Variants in SLC60A2 observed in about 807,000 individuals in gnomAD.
SLC60A2 encodes the protein solute carrier family 60 member 2.
chr6:111,276,046 A>G, the SLC60A2 span, among the ~76,000 whole-genome samples: 1 of 152,318 alleles, frequency 6.6e-6, no homozygotes, highest in East Asian at 1.9e-4. Flanking sequence ...TTTCATTACT[A>G]GCTTCTTTCC....
the SLC60A2 span, chr6:111,266,094 A>G: frequency 6.2e-7 from 1 of 1,613,996 alleles, no homozygotes; most frequent in African/African-American, 1.3e-5. Flanking sequence ...TGGAGTACCT[A>G]ATGATAAGAA....
the SLC60A2 span, chr6:111,270,356 A>G: frequency 6.6e-6 from 1 of 152,190 alleles, no homozygotes; most frequent in East Asian, 1.9e-4. Flanking sequence ...ACACTCGGGT[A>G]CCTGCAGAAT....
the SLC60A2 span, among the ~76,000 whole-genome samples, chr6:111,275,802 A>C: frequency 6.6e-6 from 1 of 152,230 alleles, no homozygotes; most frequent in South Asian, 2.1e-4. Flanking sequence ...GTATCTTTTA[A>C]CATTTTAAAT....
the SLC60A2 span, chr6:111,266,226 C>T: frequency 9.9e-6 from 16 of 1,613,988 alleles, no homozygotes; most frequent in African/African-American, 4.0e-5. Context: ...TGAGACATTT[C>T]GAAGAGCAAA....
At chr6:111,277,292 T>C in the SLC60A2 span, among the ~76,000 whole-genome samples, 1 of 152,326 alleles carries the variant, frequency 6.6e-6, no homozygotes, top group East Asian at 1.9e-4. Context: ...TCACACCAAA[T>C]TGCAGACTTT....
the SLC60A2 span, among the ~76,000 whole-genome samples, chr6:111,273,837 T>C: frequency 6.6e-6 from 1 of 152,180 alleles, no homozygotes; most frequent in Non-Finnish European, 1.5e-5. Context: ...GTGATTCTCT[T>C]GCTTCAGCCT....
At chr6:111,277,418 T>C in the SLC60A2 span, among the ~76,000 whole-genome samples, 1 of 152,196 alleles carries the variant, frequency 6.6e-6, no homozygotes, top group African/African-American at 2.4e-5. Context: ...GAGTCCCAGT[T>C]TGCAAGAGAT....
At chr6:111,266,598 C>G in the SLC60A2 span, 2 of 1,614,062 alleles carry the variant, frequency 1.2e-6, no homozygotes, top group African/African-American at 2.7e-5. Context: ...TTGGATTGAG[C>G]AGTACACGAC....
At chr6:111,279,950 T>A in the SLC60A2 span, among the ~76,000 whole-genome samples, 1 of 152,198 alleles carries the variant, frequency 6.6e-6, no homozygotes, top group African/African-American at 2.4e-5. Flanking sequence ...CTACTCACTG[T>A]TTACATAGCT....
the SLC60A2 span, chr6:111,278,622 C>T: frequency 1.3e-5 from 2 of 152,140 alleles, no homozygotes; most frequent in East Asian, 3.9e-4. Context: ...CCTGCACAAG[C>T]CCTCATTTTG....
At chr6:111,259,514 A>G in the SLC60A2 span, 1 of 521,226 alleles carries the variant, frequency 1.9e-6, no homozygotes, top group East Asian at 3.4e-5. Flanking sequence ...GGCGGCAGCA[A>G]GACGACTTCT....
the SLC60A2 span, among the ~76,000 whole-genome samples, chr6:111,271,775 T>TAAAAAAAA: frequency 0.018 from 344 of 18,848 alleles, 50 homozygotes; most frequent in Middle Eastern, 0.17. Flanking sequence ...CCATCTCTAC[T>TAAAAAAAA]AAAAAAAAAA....
the SLC60A2 span, among the ~76,000 whole-genome samples, chr6:111,272,693 G>A: frequency 6.6e-6 from 1 of 151,422 alleles, no homozygotes; most frequent in African/African-American, 2.4e-5. Flanking sequence ...TGTATTTTTA[G>A]TAGAGATGGG....
chr6:111,273,500 T>G, the SLC60A2 span, among the ~76,000 whole-genome samples: 4 of 117,254 alleles, frequency 3.4e-5, no homozygotes, highest in African/African-American at 1.0e-4. Flanking sequence ...ATTTGTGTTT[T>G]TTTTTTTTTT....
the SLC60A2 span, chr6:111,271,314 A>G: frequency 2.0e-5 from 3 of 152,100 alleles, no homozygotes; most frequent in African/African-American, 7.2e-5. Context: ...TTTTAAAAGA[A>G]AAATCTTTTG....
the SLC60A2 span, chr6:111,278,868 A>T: frequency 6.6e-6 from 1 of 152,204 alleles, no homozygotes; most frequent in Non-Finnish European, 1.5e-5. Flanking sequence ...CAGAATTCAT[A>T]AGCTCCAGAA....
chr6:111,266,836 A>G, the SLC60A2 span: 1,287 of 1,613,998 alleles, frequency 8.0e-4, 6 homozygotes, highest in African/African-American at 0.015. Flanking sequence ...AGTGAGGACC[A>G]GAAAGCTCTG....
chr6:111,259,418 T>C, the SLC60A2 span: 1 of 402,484 alleles, frequency 2.5e-6, no homozygotes, highest in South Asian at 7.8e-5. Flanking sequence ...GGCGGTCCGC[T>C]GGGAGGTGGC....
At chr6:111,268,344 C>A in the SLC60A2 span, 1 of 123,378 alleles carries the variant, frequency 8.1e-6, no homozygotes, top group East Asian at 1.9e-4. Flanking sequence ...ATGTGTCTTA[C>A]AATCAGTGAT....
Sources: gnomAD v4.1 joint callset for allele counts (sites outside exome capture counted in the v4.1 genomes callset) on GRCh38, gnomAD v4.1.1 for gene constraint, MANE v1.5 for transcripts, NCBI Gene and HGNC (gene_info 2026-07-23, HGNC 2026-07-21) for gene names.